Variants in METTL17 observed in about 807,000 individuals in gnomAD.
METTL17 encodes the protein methyltransferase like 17.
In METTL17, 49 loss-of-function variants were observed where a neutral mutation model predicts 59.4. That is an observed-to-expected ratio of 0.82 (90% CI 0.66 to 1.05). METTL17 has a LOEUF of 1.05. Among genes scored for constraint, METTL17 ranks in the 50% least tolerant of loss-of-function variants. The pLI is 0.00. For missense variants in METTL17, 555 were observed against 578.4 expected (o/e 0.96, Z 0.41); for synonymous variants, 208 against 209.2 (o/e 0.99, Z 0.05).
intron 11 of METTL17, 33 bp from the exon 12 acceptor site, chr14:20,996,176 T>TC: frequency 6.3e-7 from 1 of 1,595,248 alleles, no homozygotes; most frequent in African/African-American, 1.3e-5. Flanking sequence ...TGATGGCTCT[T>TC]TTGTCTTACC....
Position 20,990,370 on chromosome 14 carries a change from G to C in METTL17, c.216G>C (p.Gln72His). 6.2e-7 allele frequency: 1 copy of C among 1,614,140 alleles called. No homozygotes were observed. The highest frequency in any genetic ancestry group is 8.5e-7 in the Non-Finnish European group (1 of 1,179,970). ...CACAGGCACTGGCTAACGGTGCCCA[G>C]TTATTGCTACTTGGTGAGTAACGGC... is the stretch of plus-strand genomic sequence containing the variant. Reference protein sequence around the residue: ...RLPQALANGAQLLLLGSAGPT... With the variant: ...RLPQALANGAHLLLLGSAGPT... Residue 72 changes from glutamine to histidine, a missense_variant, in exon 2 of 14, where the codon CAG (glutamine) becomes CAC (histidine). Coordinates refer to ENST00000339374, the MANE Select transcript of METTL17 (RefSeq NM_022734.3).
At chr14:20,996,356 CAG>C (rs1294503079) in intron 12 of METTL17, 64 bp downstream of exon 12, 3 of 1,562,026 alleles carry the variant, frequency 1.9e-6, no homozygotes, top group Middle Eastern at 1.7e-4. Flanking sequence ...GAAAAAGAAT[CAG>C]AGTTAGGAGG....
intron 3 of METTL17, among the ~76,000 whole-genome samples, chr14:20,991,404 T>C (rs1880021358): frequency 6.6e-6 from 1 of 152,150 alleles, no homozygotes; most frequent in Non-Finnish European, 1.5e-5. Context: ...AGTACTGAAC[T>C]GAACAGTCAT....
chr14:20,995,950 C>CG lies in METTL17; in HGVS notation c.996+1dup. 6.2e-7 allele frequency: 1 copy of CG among 1,613,996 alleles called. No homozygotes were observed. Among genetic ancestry groups the CG allele is most frequent in the Non-Finnish European group, 8.5e-7 (1 of 1,179,964 alleles). ...CCTCGACCTGGTTTTGTCTTTGCCC[C>CG]GGTGAGTATTACTTCTGCCTGTCCC... On this transcript the variant is annotated frameshift_variant and splice_region_variant, in exon 11 of 14. Transcript: ENST00000339374. LOFTEE classifies it high-confidence loss of function.
Position 20,995,234 on chromosome 14 carries a change from G to C in METTL17, c.945+1G>C. 1 of 1,613,830 alleles carries C rather than the reference G, an allele frequency of 6.2e-7. No individual in the cohort carries two copies. The highest frequency in any genetic ancestry group is 8.5e-7 in the Non-Finnish European group (1 of 1,179,708). On this transcript the variant is annotated splice_donor_variant, in intron 10 of 13. Transcript: ENST00000339374. LOFTEE classifies it high-confidence loss of function. The stretch of plus-strand genomic sequence containing the variant: ...GGATGCCAGGGATCTGGTCCTTAAG[G>C]TAAGGCTTCTTCTTCCCTCACTCCC...
chr14:20,994,955 AT>A, intron 9 of METTL17, 54 bp downstream of exon 9: 1 of 1,408,814 alleles, frequency 7.1e-7, no homozygotes, highest in Non-Finnish European at 9.9e-7. Context: ...CATGGATTTC[AT>A]GCCTTTGCTC....
At chr14:20,995,815 A>G (rs1465146263) in intron 10 of METTL17, 86 bp from the exon 11 acceptor site, 1 of 1,010,826 alleles carries the variant, frequency 9.9e-7, no homozygotes, top group Non-Finnish European at 1.6e-6. Flanking sequence ...GTGTTAAAGG[A>G]GTCCTCAGTT....
intron 12 of METTL17, 87 bp from the exon 13 acceptor site, chr14:20,996,440 G>A: frequency 6.6e-7 from 1 of 1,515,132 alleles, no homozygotes; most frequent in Non-Finnish European, 8.9e-7. Context: ...TTGTAAAAAA[G>A]GACTGCAGGA....
chr14:20,990,444 T>G lies in METTL17; in HGVS notation c.230-20T>G. ...TGGACCTACATGCAAGTGATTCCGC[T>G]TTTCGTCTTTGGCCCATAGGGAGCG... On this transcript the variant is annotated intron_variant, in intron 2 of 13. Transcript: ENST00000339374. 1 of 1,613,824 alleles carries G rather than the reference T, an allele frequency of 6.2e-7. No homozygotes were observed. Among genetic ancestry groups the G allele is most frequent in the African/African-American group, 1.3e-5 (1 of 75,036 alleles).
Position 20,989,980 on chromosome 14 carries a change from G to T in METTL17, c.-23G>T, listed in dbSNP as rs770533134. On this transcript the variant is annotated 5_prime_UTR_variant, in exon 1 of 14. Coordinates refer to ENST00000339374, the MANE Select transcript of METTL17 (RefSeq NM_022734.3). ...GAGGGTCACAGGCACCTGTATTTCC[G>T]TTTCCGGTTCGCCTCCGGAGCCATG... 40 of 1,567,624 alleles carry T rather than the reference G, an allele frequency of 2.6e-5. No homozygotes were observed. Among genetic ancestry groups the T allele is most frequent in the Non-Finnish European group, 3.3e-5 (38 of 1,155,896 alleles).
In METTL17 at chr14:20,995,947, C is replaced by G. The variant is rs145785990; in HGVS notation, c.992C>G (p.Ala331Gly). ...PLDPRPGFVF[A>G]PCPHELPCPQ... ...GACCCTCGACCTGGTTTTGTCTTTGCCCCGGTGAGTATTACTTCTGCCTGT... is the reference window on the plus strand; with the variant it reads ...GACCCTCGACCTGGTTTTGTCTTTGGCCCGGTGAGTATTACTTCTGCCTGT... Residue 331 changes from alanine to glycine, a missense_variant, in exon 11 of 14, where the codon GCC (alanine) becomes GGC (glycine). Physicochemically the swap from Ala to Gly is moderately conservative, Grantham distance 60 (BLOSUM62 0). Coordinates refer to ENST00000339374, the MANE Select transcript of METTL17 (RefSeq NM_022734.3). The G allele has an allele frequency of 3.0e-5, 49 of 1,613,920 alleles. No homozygotes were observed. Among genetic ancestry groups the G allele is most frequent in the Non-Finnish European group, 4.0e-5 (47 of 1,179,972 alleles).
chr14:20,993,649 A>AT (rs1236449364), intron 6 of METTL17: 1 of 214,480 alleles, frequency 4.7e-6, no homozygotes. Context: ...TAATTTTTGT[A>AT]TTTTTAGTAG....
rs369657268 is a variant in METTL17 at position 20,995,916 on chromosome 14, C to T, written c.961C>T (p.Pro321Ser). ...TTGATTTCAGGGAAAAGAGAAGTCA[C>T]CTTTGGACCCTCGACCTGGTTTTGT... ...DLVLKGKEKSPLDPRPGFVFA... is the reference protein window; with the variant it reads ...DLVLKGKEKSSLDPRPGFVFA... Residue 321 changes from proline to serine, a missense_variant, in exon 11 of 14, where the codon CCT becomes TCT. Transcript: ENST00000339374. 5.5e-5 allele frequency: 89 copies of T among 1,613,976 alleles called. 1 individual carries two copies. The highest frequency in any genetic ancestry group is 3.3e-4 in the Middle Eastern group (2 of 6,084).
rs1880078479 is a variant in METTL17, at chr14:20,992,376, T to G, written c.447-165T>G. The G allele has an allele frequency of 8.1e-6, 6 of 737,322 alleles. No individual in the cohort carries two copies. The Admixed American group carries it at 1.8e-4, about 22-fold the overall frequency. 45.7% of individuals were successfully genotyped at this position (737,322 alleles called of 1,614,324 possible). ...AGTACAAAGTTTTGAACACTGAAGT[T>G]TGAAAATTTAGTGTTTGTAAGTCTC... is the stretch of plus-strand genomic sequence containing the variant. On this transcript the variant is annotated intron_variant, in intron 4 of 13. Coordinates refer to ENST00000339374, the MANE Select transcript of METTL17 (RefSeq NM_022734.3).
At chr14:20,996,093 A>G (rs1880354708) in intron 11 of METTL17, 116 bp from the exon 12 acceptor site, 1 of 1,270,992 alleles carries the variant, frequency 7.9e-7, no homozygotes. Context: ...GGCTCTTCCT[A>G]CCCACTGCTC....
Position 20,994,111 on chromosome 14 carries a change from G to A in METTL17, c.697+48G>A. The A allele has an allele frequency of 2.2e-6, 3 of 1,358,962 alleles. No homozygotes were observed. In the South Asian group the frequency reaches 3.5e-5, roughly 16 times the overall value. The allele number at this position is 1,358,962 out of a possible 1,614,324, so 84.2% of individuals were successfully genotyped here. On this transcript the variant is annotated intron_variant, in intron 7 of 13. Coordinates refer to ENST00000339374, the MANE Select transcript of METTL17 (RefSeq NM_022734.3). ...AGTTGAGGGAGTTAAGAAAGCAAAG[G>A]GGTACTAGTAAAAGTGTTTTACTGG...
chr14:20,996,996 A>C lies in METTL17; in HGVS notation c.*106A>C. Reference sequence around the variant, plus strand: ...ATCCCCATATGTCTGTGTTTGTTTGAGATTTTTAATAATAAATAATAAATT... The same window carrying C: ...ATCCCCATATGTCTGTGTTTGTTTGCGATTTTTAATAATAAATAATAAATT... On this transcript the variant is annotated 3_prime_UTR_variant, in exon 14 of 14. Transcript: ENST00000339374. 1 of 1,142,650 alleles carries C rather than the reference A, an allele frequency of 8.8e-7. No individual in the cohort carries two copies. The highest frequency in any genetic ancestry group is 1.2e-6 in the Non-Finnish European group (1 of 848,544). 70.8% of individuals were successfully genotyped at this position (1,142,650 alleles called of 1,614,324 possible). A position where few individuals can be genotyped will look rare whatever the true frequency, so the allele number is the denominator to read the frequency against.
At chr14:20,994,738 G>A (rs1880257857) in intron 8 of METTL17, 56 bp from the exon 9 acceptor site, 3 of 1,541,202 alleles carry the variant, frequency 1.9e-6, no homozygotes, top group Admixed American at 1.7e-5. Flanking sequence ...GGACTTTGTT[G>A]TATTCTTGGG....
At chr14:20,990,153 C>T (rs769728434) in intron 1 of METTL17, 76 bp downstream of exon 1, 29 of 1,597,294 alleles carry the variant, frequency 1.8e-5, no homozygotes, top group Non-Finnish European at 2.1e-5. Context: ...AGGAGCGCTC[C>T]TGGCAGCCCC....
Sources: gnomAD v4.1 joint callset for allele counts (sites outside exome capture counted in the v4.1 genomes callset) on GRCh38, gnomAD v4.1.1 for gene constraint, MANE v1.5 for transcripts, NCBI Gene and HGNC (gene_info 2026-07-23, HGNC 2026-07-21) for gene names.